WFDC2: variants seen among roughly 807,000 people sequenced by gnomAD.
WFDC2 encodes the protein WAP four-disulfide core domain protein 2.
A neutral mutation model predicts 12.5 loss-of-function variants in WFDC2; 8 were observed. The ratio of observed to expected loss-of-function variants is 0.64; its 90% CI spans 0.37 to 1.15. The LOEUF is 1.15. WFDC2 is among the 50% of genes most tolerant of loss of function. The pLI is 0.01. For missense variants in WFDC2, 166 were observed against 159.9 expected (o/e 1.04, Z -0.21); for synonymous variants, 74 against 67.2 (o/e 1.10, Z -0.49).
intron 2 of WFDC2, among the ~76,000 whole-genome samples, chr20:45,475,923 T>G (rs1991227326): frequency 6.6e-6 from 1 of 152,248 alleles, no homozygotes; most frequent in Non-Finnish European, 1.5e-5. Context: ...CCTTTACCAT[T>G]GTGTAATGCC....
At chr20:45,473,119 C>T (rs552776020) in intron 2 of WFDC2, among the ~76,000 whole-genome samples, 1 of 152,252 alleles carries the variant, frequency 6.6e-6, no homozygotes, top group Non-Finnish European at 1.5e-5. Flanking sequence ...AATTTTCTCC[C>T]ATTCTGTAGG....
chr20:45,470,291 T>G lies in WFDC2; in HGVS notation c.80-98T>G. On this transcript the variant is annotated intron_variant, in intron 1 of 3. Coordinates refer to ENST00000372676, the MANE Select transcript of WFDC2 (RefSeq NM_006103.4). This position sits in a 1 kb window ranked among gnomAD's most constrained non-coding sequence, Gnocchi z 5.4. ...TAAGGGGACTCCTAGGGCCAGAGACTGAGAATTCCTTGGGGTTAAGGTTTG... is the reference window on the plus strand; with the variant it reads ...TAAGGGGACTCCTAGGGCCAGAGACGGAGAATTCCTTGGGGTTAAGGTTTG... 2.1e-6 allele frequency: 3 copies of G among 1,458,412 alleles called. No individual in the cohort carries two copies. The highest frequency in any genetic ancestry group is 2.7e-6 in the Non-Finnish European group (3 of 1,098,864). 90.3% of individuals were successfully genotyped at this position (1,458,412 alleles called of 1,614,324 possible).
Position 45,469,787 on chromosome 20 carries a change from T to TGCTTGTCGCCTAGGCCC in WFDC2, c.10_26dup (p.Ala10ValfsTer3). On this transcript the variant is annotated frameshift_variant, in exon 1 of 4. Transcript: ENST00000372676. LOFTEE classifies it high-confidence loss of function. Reference sequence around the variant, plus strand: ...CCCCGCCCGGGCATAGCACCATGCCTGCTTGTCGCCTAGGCCCGCTAGCCG... The same window carrying TGCTTGTCGCCTAGGCCC: ...CCCCGCCCGGGCATAGCACCATGCCTGCTTGTCGCCTAGGCCCGCTTGTCGCCTAGGCCCGCTAGCCG... 2 of 1,605,282 alleles carry TGCTTGTCGCCTAGGCCC rather than the reference T, an allele frequency of 1.2e-6. No homozygotes were observed. The highest frequency in any genetic ancestry group is 1.7e-6 in the Non-Finnish European group (2 of 1,175,740).
At chr20:45,477,523 G>A (rs185091949) in intron 2 of WFDC2, among the ~76,000 whole-genome samples, 1 of 152,352 alleles carries the variant, frequency 6.6e-6, no homozygotes, top group African/African-American at 2.4e-5. Flanking sequence ...AGCAAAGATT[G>A]CTGCCTGTTC....
intron 2 of WFDC2, among the ~76,000 whole-genome samples, chr20:45,477,331 G>C (rs761977228): frequency 1.1e-4 from 16 of 152,288 alleles, no homozygotes; most frequent in South Asian, 2.1e-4. Context: ...TTTGGTCTTT[G>C]ATGTTGATGA....
intron 2 of WFDC2, 183 bp from the exon 3 acceptor site, chr20:45,479,759 G>T (rs376692687): frequency 6.2e-7 from 1 of 1,613,982 alleles, no homozygotes; most frequent in Admixed American, 1.7e-5. Flanking sequence ...AGCAGGAGGA[G>T]GGATTTGCAG....
chr20:45,469,788 G>A lies in WFDC2; in HGVS notation c.7G>A (p.Ala3Thr). The change falls in exon 1 of 4, where the codon GCT (alanine) becomes ACT (threonine). Residue 3 changes from alanine (A) to threonine (T), a missense_variant. Physicochemically the swap from Ala to Thr is moderately conservative, Grantham distance 58. Transcript: ENST00000372676. ...CCCGCCCGGGCATAGCACCATGCCT[G>A]CTTGTCGCCTAGGCCCGCTAGCCGC... Reference protein sequence around the residue: MPACRLGPLAAAL... With the variant: MPTCRLGPLAAAL... The A allele has an allele frequency of 6.2e-7, 1 of 1,608,984 alleles. No individual in the cohort carries two copies. The highest frequency in any genetic ancestry group is 1.3e-5 in the African/African-American group (1 of 74,958).
rs200690352 is a variant in WFDC2 at position 45,469,762 on chromosome 20, C to T, written c.-20C>T. 3.7e-4 allele frequency: 587 copies of T among 1,600,768 alleles called. 5 individuals are homozygous for T. The African/African-American group carries it at 7.0e-3, about 19-fold the overall frequency. ...ACCTGAGCATCGGCTCACACCTGCA[C>T]CCCGCCCGGGCATAGCACCATGCCT... On this transcript the variant is annotated 5_prime_UTR_variant, in exon 1 of 4. Coordinates refer to ENST00000372676, the MANE Select transcript of WFDC2 (RefSeq NM_006103.4).
At chr20:45,472,210 C>A (rs559291744) in intron 2 of WFDC2, among the ~76,000 whole-genome samples, 3 of 152,094 alleles carry the variant, frequency 2.0e-5, no homozygotes, top group African/African-American at 7.2e-5. Context: ...TGGTGGTTTG[C>A]TTCACCCATC....
intron 2 of WFDC2, chr20:45,479,734 G>A (rs377148736): frequency 3.7e-6 from 6 of 1,614,022 alleles, no homozygotes; most frequent in East Asian, 2.2e-5. Flanking sequence ...CTGAGGTCCT[G>A]TGATTCCATT....
rs765871762 is a variant in WFDC2 at position 45,470,436 on chromosome 20, C to A, written c.127C>A (p.Gln43Lys). The A allele has an allele frequency of 1.9e-6, 3 of 1,594,110 alleles. No homozygotes were observed. The East Asian group carries it at 6.8e-5, about 36-fold the overall frequency. ...CGTGTGCCCCGAGCTCCAGGCTGAC[C>A]AGAACTGCACGCAAGAGTGCGTCTC... ...TGVCPELQADQNCTQECVSDS... is the reference protein window; with the variant it reads ...TGVCPELQADKNCTQECVSDS... Residue 43 changes from glutamine to lysine, a missense_variant, in exon 2 of 4, where the codon CAG becomes AAG. By Grantham distance (53) the Gln-to-Lys change is moderately conservative. Coordinates refer to ENST00000372676, the MANE Select transcript of WFDC2 (RefSeq NM_006103.4). This position sits in a 1 kb window ranked among gnomAD's most constrained non-coding sequence, Gnocchi z 5.4.
rs769309062 is a variant in WFDC2, at chr20:45,479,958, C to A, written c.240C>A (p.Cys80Ter). ...CSLPNDKEGS[C>*]PQVNINFPQL... ...TCTACCCAGATAAGGAGGGTTCCTG[C>A]CCCCAGGTGAACATTAACTTTCCCC... The change falls in exon 3 of 4, where the codon TGC (cysteine) becomes TGA (stop). Residue 80 changes from cysteine (C) to a stop codon, truncating the protein, a stop_gained. Transcript: ENST00000372676. LOFTEE classifies it high-confidence loss of function. 1.2e-6 allele frequency: 2 copies of A among 1,614,240 alleles called. No homozygotes were observed. Among genetic ancestry groups the A allele is most frequent in the East Asian group, 4.5e-5 (2 of 44,886 alleles).
Position 45,470,447 on chromosome 20 carries a change from G to T in WFDC2, c.138G>T (p.Thr46=), listed in dbSNP as rs751069145. The T allele has an allele frequency of 1.9e-6, 3 of 1,594,622 alleles. No homozygotes were observed. Among genetic ancestry groups the T allele is most frequent in the Non-Finnish European group, 2.6e-6 (3 of 1,169,786 alleles). The stretch of plus-strand genomic sequence containing the variant: ...AGCTCCAGGCTGACCAGAACTGCAC[G>T]CAAGAGTGCGTCTCGGACAGCGAAT... The part of the protein sequence containing the change: ...CPELQADQNC[T]QECVSDSECA... The change falls in exon 2 of 4, where the codon ACG becomes ACT. Residue 46 remains threonine, a synonymous_variant. Transcript: ENST00000372676. The surrounding 1 kb of genome is among the most constrained non-coding windows in gnomAD (Gnocchi z 5.4).
At chr20:45,474,579 C>T (rs763495325) in intron 2 of WFDC2, among the ~76,000 whole-genome samples, 6 of 152,148 alleles carry the variant, frequency 3.9e-5, no homozygotes, top group Non-Finnish European at 5.9e-5. Flanking sequence ...TTTGGTTTGC[C>T]AGCATTTTAT....
Position 45,469,771 on chromosome 20 carries a change from G to C in WFDC2, c.-11G>C. ...TCGGCTCACACCTGCACCCCGCCCG[G>C]GCATAGCACCATGCCTGCTTGTCGC... On this transcript the variant is annotated 5_prime_UTR_variant, in exon 1 of 4. Transcript: ENST00000372676. 1 of 1,605,364 alleles carries C rather than the reference G, an allele frequency of 6.2e-7. No individual in the cohort carries two copies. The highest frequency in any genetic ancestry group is 8.5e-7 in the Non-Finnish European group (1 of 1,176,218).
rs778468026 is a variant in WFDC2, at chr20:45,480,098, AG to A, written c.*1+5del. 6.2e-7 allele frequency: 1 copy of A among 1,613,462 alleles called. No individual in the cohort carries two copies. Among genetic ancestry groups the A allele is most frequent in the Non-Finnish European group, 8.5e-7 (1 of 1,179,522 alleles). ...TGTGTCACTCCCAATTTCTGAGGTA[AG>A]TGAACGGGAAAGAGAAAGTGCATTG... On this transcript the variant is annotated splice_donor_5th_base_variant and intron_variant, in intron 3 of 3. Coordinates refer to ENST00000372676, the MANE Select transcript of WFDC2 (RefSeq NM_006103.4).
In WFDC2 at chr20:45,470,625, C is replaced by G; in HGVS notation, c.223+93C>G. ...CGGGTTCCGGGAACAGGGGCGCCCC[C>G]GGACCCGGGGACCCCCGGGAAAGTC... On this transcript the variant is annotated intron_variant, in intron 2 of 3. Transcript: ENST00000372676. This position sits in a 1 kb window ranked among gnomAD's most constrained non-coding sequence, Gnocchi z 5.4. 6.9e-7 allele frequency: 1 copy of G among 1,442,658 alleles called. No individual in the cohort carries two copies. Among genetic ancestry groups the G allele is most frequent in the Non-Finnish European group, 9.1e-7 (1 of 1,095,922 alleles). The allele number at this position is 1,442,658 out of a possible 1,614,324, so 89.4% of individuals were successfully genotyped here.
intron 2 of WFDC2, among the ~76,000 whole-genome samples, chr20:45,477,991 A>G (rs1991254655): frequency 6.6e-6 from 1 of 152,074 alleles, no homozygotes; most frequent in Non-Finnish European, 1.5e-5. Flanking sequence ...AAGCCTCAGT[A>G]ATGGTGGACG....
intron 2 of WFDC2, among the ~76,000 whole-genome samples, chr20:45,477,832 C>T (rs1991252108): frequency 6.6e-6 from 1 of 152,242 alleles, no homozygotes; most frequent in African/African-American, 2.4e-5. Context: ...ACTAGGGCTG[C>T]TGCCTTTTTT....
Sources: gnomAD v4.1 joint callset for allele counts (sites outside exome capture counted in the v4.1 genomes callset) on GRCh38, gnomAD v4.1.1 for gene constraint, Gnocchi (gnomAD v3.1) non-coding constraint, MANE v1.5 for transcripts, NCBI Gene and HGNC (gene_info 2026-07-23, HGNC 2026-07-21) for gene names.